MCCC2: variants seen among roughly 807,000 people sequenced by gnomAD.
The protein encoded by MCCC2 is methylcrotonoyl-CoA carboxylase beta chain, mitochondrial.
A neutral mutation model predicts 77.2 loss-of-function variants in MCCC2; 52 were observed. The observed-to-expected ratio is 0.67, with a 90% CI of 0.54 to 0.85. The LOEUF is 0.85. MCCC2 is among the 40% of genes least tolerant of loss of function. The pLI is 0.00. For synonymous variants in MCCC2, 253 were observed against 248.4 expected (o/e 1.02, Z -0.18); for missense variants, 682 against 703.2 (o/e 0.97, Z 0.34).
Position 71,628,840 on chromosome 5 carries a change from C to T in MCCC2, c.738+2087C>T, listed in dbSNP as rs529422392. ...ATACTTCTATATGCATAAAGAAGTT[C>T]TAGAAAAGATACGAAAATACTGCTT... On this transcript the variant is annotated intron_variant, in intron 7 of 16. Coordinates refer to ENST00000340941, the MANE Select transcript of MCCC2 (RefSeq NM_022132.5). Among the ~76,000 whole-genome samples the T allele has an allele frequency of 1.2e-4, 18 of 152,166 alleles. No homozygotes were observed. The South Asian group carries it at 3.5e-3, about 30-fold the overall frequency.
In MCCC2 at chr5:71,590,941, C is replaced by A. The variant is rs147272361; in HGVS notation, c.130-1985C>A. ...CTGTGCACTTGAGAAAAGTTACATA[C>A]TTTTTTCTGCTGTTGTAGGGTGACA... On this transcript the variant is annotated intron_variant, in intron 1 of 16. Transcript: ENST00000340941. 3.1e-3 allele frequency among the ~76,000 whole-genome samples: 474 copies of A among 151,914 alleles called. 4 individuals carry two copies. Among genetic ancestry groups the A allele is most frequent in the African/African-American group, 0.011 (455 of 41,274 alleles).
At chr5:71,612,770 G>A (rs1746008011) in intron 6 of MCCC2, among the ~76,000 whole-genome samples, 1 of 152,212 alleles carries the variant, frequency 6.6e-6, no homozygotes, top group South Asian at 2.1e-4. Flanking sequence ...ATTTAGAGAT[G>A]AATGTCTTGG....
chr5:71,629,093 C>T (rs1746627421), intron 7 of MCCC2, among the ~76,000 whole-genome samples: 1 of 151,884 alleles, frequency 6.6e-6, no homozygotes, highest in African/African-American at 2.4e-5. Flanking sequence ...GTAATCCCAG[C>T]TACTCTGGAG....
rs1458332539 is a variant in MCCC2, at chr5:71,624,288, A to C, written c.625-2352A>C. Reference sequence around the variant, plus strand: ...TTCAGCAGATGAGTTCGGAGGAGACACAAACATTCAGTCTGTAGTAGATGG... The same window carrying C: ...TTCAGCAGATGAGTTCGGAGGAGACCCAAACATTCAGTCTGTAGTAGATGG... On this transcript the variant is annotated intron_variant, in intron 6 of 16. Coordinates refer to ENST00000340941, the MANE Select transcript of MCCC2 (RefSeq NM_022132.5). Among the ~76,000 whole-genome samples, 4 of 152,238 alleles carry C rather than the reference A, an allele frequency of 2.6e-5. No individual in the cohort carries two copies. In the East Asian group the frequency reaches 7.7e-4, roughly 29 times the overall value.
rs1293522848 is a variant in MCCC2, at chr5:71,602,674, T to G, written c.511+41T>G. 3.1e-6 allele frequency: 5 copies of G among 1,613,902 alleles called. No individual in the cohort carries two copies. The African/African-American group carries it at 6.7e-5, about 22-fold the overall frequency. On this transcript the variant is annotated intron_variant, in intron 5 of 16. Transcript: ENST00000340941. ...GGTAAAATAAACTATTATTAGCTGG[T>G]AAAATGCAAGATAGTTTGGAAGGCT...
Position 71,632,160 on chromosome 5 carries a change from C to G in MCCC2, c.778C>G (p.Leu260Val). Residue 260 changes from leucine (L) to valine (V), a missense_variant, in exon 8 of 17, where the codon CTT becomes GTT. Transcript: ENST00000340941. Reference protein sequence around the residue: ...ATGEEVSAEDLGGADLHCRKS... With the variant: ...ATGEEVSAEDVGGADLHCRKS... ...TGGGGAAGAAGTATCTGCTGAGGAT[C>G]TTGGAGGTGCTGATCTTCATTGCAG... is the stretch of plus-strand genomic sequence containing the variant. The G allele has an allele frequency of 6.2e-7, 1 of 1,614,126 alleles. No individual in the cohort carries two copies. The highest frequency in any genetic ancestry group is 1.1e-5 in the South Asian group (1 of 91,086).
chr5:71,604,581 T>TG, intron 6 of MCCC2, 113 bp downstream of exon 6: 1 of 765,288 alleles, frequency 1.3e-6, no homozygotes, highest in Non-Finnish European at 2.1e-6. Context: ...CAAAATCTAA[T>TG]CTTTTTTTTT....
chr5:71,649,043 G>T lies in MCCC2; in HGVS notation c.1217-54G>T, dbSNP rs191857057. 8 of 1,596,824 alleles carry T rather than the reference G, an allele frequency of 5.0e-6. No individual in the cohort carries two copies. In the South Asian group the frequency reaches 7.7e-5, roughly 15 times the overall value. ...CAAGATGTCCTTTTGGTGGAATTGC[G>T]TTCCGCATATTAATCCCATCACCCA... On this transcript the variant is annotated intron_variant, in intron 13 of 16. Coordinates refer to ENST00000340941, the MANE Select transcript of MCCC2 (RefSeq NM_022132.5).
intron 6 of MCCC2, among the ~76,000 whole-genome samples, chr5:71,618,488 TCTTCCTTCCTTCCTTCCTTCCTTC>T (rs60010762): frequency 2.5e-3 from 246 of 97,224 alleles, no homozygotes; most frequent in African/African-American, 7.1e-3. Flanking sequence ...CTTCTTTCCT[TCTTCCTTCCTTCCTTCCTTCCTTC>T]CTTCCTTCCT....
At chr5:71,635,468 A>T in intron 10 of MCCC2, 1 of 604,960 alleles carries the variant, frequency 1.7e-6, no homozygotes, top group South Asian at 1.7e-5. Flanking sequence ...CAATGATTGG[A>T]AAGTTTTCAT....
intron 16 of MCCC2, among the ~76,000 whole-genome samples, chr5:71,654,706 T>C (rs963449132): frequency 6.6e-6 from 1 of 152,166 alleles, no homozygotes; most frequent in Non-Finnish European, 1.5e-5. Context: ...TTGCATCTTT[T>C]ATTATTTTCA....
chr5:71,633,123 A>ATTTTTTTTTTT (rs1391065508), intron 8 of MCCC2, among the ~76,000 whole-genome samples: 8 of 31,790 alleles, frequency 2.5e-4, no homozygotes, highest in Admixed American at 4.8e-4. Context: ...ATATATATAT[A>ATTTTTTTTTTT]TATATATATT....
At chr5:71,604,304 G>A (rs1042895889) in intron 5 of MCCC2, 52 bp from the exon 6 acceptor site, 64 of 1,463,518 alleles carry the variant, frequency 4.4e-5, no homozygotes, top group South Asian at 3.2e-4. Flanking sequence ...TTCCCTCTGC[G>A]TAGCACATTT....
At chr5:71,634,008 G>A (rs1746832631) in intron 8 of MCCC2, among the ~76,000 whole-genome samples, 1 of 152,198 alleles carries the variant, frequency 6.6e-6, no homozygotes, top group Non-Finnish European at 1.5e-5. Flanking sequence ...AAAGTAGAGT[G>A]TCATGAAATC....
intron 7 of MCCC2, among the ~76,000 whole-genome samples, chr5:71,631,538 CTTTTTTTTTTTT>C (rs544704315): frequency 1.6e-5 from 2 of 128,324 alleles, no homozygotes; most frequent in Non-Finnish European, 3.3e-5. Context: ...GGTCTTTCTT[CTTTTTTTTTTTT>C]TTTTTTTTGA....
At chr5:71,623,395 C>T (rs951229934) in intron 6 of MCCC2, among the ~76,000 whole-genome samples, 4 of 152,156 alleles carry the variant, frequency 2.6e-5, no homozygotes, top group Non-Finnish European at 5.9e-5. Flanking sequence ...CAGGGTCCAG[C>T]GCTTTGGAGG....
chr5:71,634,964 C>G lies in MCCC2; in HGVS notation c.825C>G (p.His275Gln), dbSNP rs761418636. 4 of 1,613,966 alleles carry G rather than the reference C, an allele frequency of 2.5e-6. No homozygotes were observed. Among genetic ancestry groups the G allele is most frequent in the Admixed American group, 1.7e-5 (1 of 60,002 alleles). Reference sequence around the variant, plus strand: ...GTAGAAAGTCTGGAGTAAGTGACCACTGGGCTTTGGATGATCATCATGCCC... The same window carrying G: ...GTAGAAAGTCTGGAGTAAGTGACCAGTGGGCTTTGGATGATCATCATGCCC... The part of the protein sequence containing the change: ...LHCRKSGVSD[H>Q]WALDDHHALH... Residue 275 changes from histidine (H) to glutamine (Q), a missense_variant, in exon 9 of 17, where the codon CAC (histidine) becomes CAG (glutamine). By Grantham distance (24) the His-to-Gln change is conservative (BLOSUM62 0). Transcript: ENST00000340941.
At chr5:71,643,437 T>C (rs1363004143) in intron 11 of MCCC2, among the ~76,000 whole-genome samples, 3 of 152,222 alleles carry the variant, frequency 2.0e-5, no homozygotes, top group African/African-American at 7.2e-5. Context: ...CTCTCTCTTA[T>C]CTGTTAATTT....
intron 7 of MCCC2, among the ~76,000 whole-genome samples, chr5:71,631,074 G>A (rs1173837519): frequency 3.3e-5 from 5 of 152,158 alleles, no homozygotes; most frequent in Middle Eastern, 3.4e-3. Flanking sequence ...TAGATCTTAG[G>A]TTTAGGTAAT....
Sources: gnomAD v4.1 joint callset for allele counts (sites outside exome capture counted in the v4.1 genomes callset) on GRCh38, gnomAD v4.1.1 for gene constraint, MANE v1.5 for transcripts, NCBI Gene and HGNC (gene_info 2026-07-23, HGNC 2026-07-21) for gene names.